CAPN14: variants seen among roughly 807,000 people sequenced by gnomAD.
CAPN14 encodes the protein calpain 14, also known as calpain-14.
In CAPN14, 94 loss-of-function variants were observed where a neutral mutation model predicts 101.3. That is an observed-to-expected ratio of 0.93 (90% CI 0.79 to 1.10). The LOEUF is 1.10. Ranked by LOEUF, CAPN14 falls within the 50% of genes least tolerant of loss-of-function variation. CAPN14 has a pLI of 0.00. For missense variants in CAPN14, 837 were observed against 828.4 expected, an observed-to-expected ratio of 1.01 and a Z score of -0.13; for synonymous variants, 338 against 317.9, an observed-to-expected ratio of 1.06 and a Z score of -0.67.
At chr2:31,203,255 T>A in intron 2 of CAPN14, 116 bp from the exon 3 acceptor site, 2 of 749,506 alleles carry the variant, frequency 2.7e-6, no homozygotes, top group Non-Finnish European at 4.6e-6. Context: ...AGATACAGAA[T>A]ATAGGTGTAA....
chr2:31,203,962 A>G (rs1023587180), intron 2 of CAPN14, among the ~76,000 whole-genome samples: 2 of 152,172 alleles, frequency 1.3e-5, no homozygotes, highest in Non-Finnish European at 2.9e-5. Context: ...CATTTTATAG[A>G]GTGAAGAATA....
chr2:31,227,951 G>C (rs113907481), intron 1 of CAPN14, among the ~76,000 whole-genome samples: 2 of 152,198 alleles, frequency 1.3e-5, no homozygotes, highest in Admixed American at 6.5e-5. Flanking sequence ...CTCTTCAGAG[G>C]GCGGACCACC....
intron 16 of CAPN14, among the ~76,000 whole-genome samples, chr2:31,185,468 T>G (rs1044625429): frequency 6.6e-6 from 1 of 152,252 alleles, no homozygotes; most frequent in African/African-American, 2.4e-5. Flanking sequence ...GAAAGCAATT[T>G]GTTCATAAAT....
rs73921587 is a variant in CAPN14, at chr2:31,203,580, G to A, written c.226-441C>T. ...GCAGCCTGTGATGGGGTGGTAGGGG[G>A]GTTGTCTCTGCTCCGTGGCAAGATT... On this transcript the variant is annotated intron_variant, in intron 2 of 21. Transcript: ENST00000403897. Among the ~76,000 whole-genome samples the A allele has an allele frequency of 3.6e-3, 541 of 152,194 alleles. 2 individuals carry two copies. The highest frequency in any genetic ancestry group is 0.012 in the African/African-American group (509 of 41,516).
At position 31,193,134 on chromosome 2, in the gene CAPN14, G is replaced by T; in HGVS notation, c.1111C>A (p.Gln371Lys). The T allele has an allele frequency of 6.5e-7, 1 of 1,549,390 alleles. No individual in the cohort carries two copies. Among genetic ancestry groups the T allele is most frequent in the South Asian group, 1.2e-5 (1 of 84,024 alleles). The change falls in exon 10 of 22, where the codon CAG becomes AAG. Residue 371 changes from glutamine to lysine, a missense_variant. Gln to Lys is a moderately conservative substitution (Grantham distance 53, BLOSUM62 1). Coordinates refer to ENST00000403897, the MANE Select transcript of CAPN14 (RefSeq NM_001145122.2). ...STAGGQRQLL[Q>K]DTFWKNPQFL... ...CTGCTCCTGTGCACATGCTCACCCT[G>T]CAGCAACTGCCTCTGGCCACCAGCT... is the stretch of plus-strand genomic sequence containing the variant.
At chr2:31,228,949 G>T (rs986180774) in intron 1 of CAPN14, among the ~76,000 whole-genome samples, 2 of 152,198 alleles carry the variant, frequency 1.3e-5, no homozygotes, top group African/African-American at 4.8e-5. Flanking sequence ...TGCTGGGTTT[G>T]GAAGAGACAC....
At chr2:31,223,659 G>T (rs1339044430) in intron 2 of CAPN14, among the ~76,000 whole-genome samples, 1 of 150,766 alleles carries the variant, frequency 6.6e-6, no homozygotes, top group Non-Finnish European at 1.5e-5. Context: ...CTCCCAAGTA[G>T]CTGGGACTAC....
At chr2:31,191,350 A>G (rs996755506) in intron 12 of CAPN14, 49 bp downstream of exon 12, 6 of 1,531,920 alleles carry the variant, frequency 3.9e-6, no homozygotes, top group Admixed American at 4.2e-5. Flanking sequence ...GCTTGGCCAC[A>G]TGTGATGTCA....
chr2:31,188,187 T>C, intron 14 of CAPN14, 131 bp downstream of exon 14: 6 of 797,324 alleles, frequency 7.5e-6, no homozygotes, highest in South Asian at 1.5e-5. Context: ...CAACGGGTAA[T>C]GTTTGCCATA....
chr2:31,178,411 A>T, intron 18 of CAPN14, 100 bp downstream of exon 18: 1 of 860,854 alleles, frequency 1.2e-6, no homozygotes. Context: ...GGTGAGGTGG[A>T]TATAAAGGGC....
At chr2:31,220,252 T>G (rs1682822193), upstream of CAPN14, among the ~76,000 whole-genome samples, 1 of 152,210 alleles carries the variant, frequency 6.6e-6, no homozygotes, top group Admixed American at 6.5e-5. Context: ...TAATGACTGC[T>G]CCAAGGTGAC....
chr2:31,201,217 GTGTC>G (rs1681760842), intron 5 of CAPN14, among the ~76,000 whole-genome samples: 1 of 151,668 alleles, frequency 6.6e-6, no homozygotes, highest in African/African-American at 2.4e-5. Flanking sequence ...GTGCATGTGT[GTGTC>G]TGTGTTTGCG....
chr2:31,180,459 C>T (rs1680534788), intron 17 of CAPN14, among the ~76,000 whole-genome samples: 1 of 152,174 alleles, frequency 6.6e-6, no homozygotes, highest in Non-Finnish European at 1.5e-5. Context: ...GAAAGGACAG[C>T]TGAGTTTGTG....
At chr2:31,184,309 C>T (rs565766804) in intron 16 of CAPN14, among the ~76,000 whole-genome samples, 3 of 152,002 alleles carry the variant, frequency 2.0e-5, no homozygotes, top group South Asian at 2.1e-4. Flanking sequence ...TAGTGGCTCA[C>T]GGTCCTAGTT....
chr2:31,191,467 A>C, intron 11 of CAPN14, 60 bp from the exon 12 acceptor site: 1 of 1,493,758 alleles, frequency 6.7e-7, no homozygotes, highest in South Asian at 1.3e-5. Flanking sequence ...GATCTCATTA[A>C]GCAGGGAATC....
chr2:31,218,813 G>A (rs767517547), upstream of CAPN14, among the ~76,000 whole-genome samples: 31 of 152,180 alleles, frequency 2.0e-4, no homozygotes, highest in Non-Finnish European at 4.1e-4. Flanking sequence ...TTGTCTCCCT[G>A]CCACTGTCAA....
chr2:31,201,040 G>A (rs1389969600), intron 5 of CAPN14, among the ~76,000 whole-genome samples: 1 of 152,106 alleles, frequency 6.6e-6, no homozygotes, highest in Non-Finnish European at 1.5e-5. Flanking sequence ...TCCACCACAG[G>A]TCCATTTTCT....
chr2:31,232,620 G>A (rs1436136361), intron 1 of CAPN14, among the ~76,000 whole-genome samples: 3 of 152,176 alleles, frequency 2.0e-5, no homozygotes, highest in Non-Finnish European at 4.4e-5. Context: ...GAGGAACCAA[G>A]TGGGAAGAGC....
chr2:31,189,944 A>C (rs1270363996), intron 12 of CAPN14, among the ~76,000 whole-genome samples: 1 of 152,088 alleles, frequency 6.6e-6, no homozygotes, highest in Non-Finnish European at 1.5e-5. Context: ...TGACTTATGG[A>C]CACAGATACA....
Sources: allele counts gnomAD v4.1 joint callset (sites outside exome capture counted in the v4.1 genomes callset), GRCh38; gene constraint gnomAD v4.1.1; transcripts MANE v1.5; gene names NCBI Gene and HGNC (gene_info 2026-07-23, HGNC 2026-07-21).